Variants in LPP observed in about 807,000 individuals in gnomAD.
LPP encodes the protein LIM domain containing preferred translocation partner in lipoma, also known as lipoma-preferred partner.
In LPP, 38 loss-of-function variants were observed where a neutral mutation model predicts 60.4. The ratio of observed to expected loss-of-function variants is 0.63; its 90% CI spans 0.49 to 0.83. LPP has a LOEUF of 0.83. LPP is among the 40% of genes least tolerant of loss of function. LPP has a pLI of 0.00. For synonymous variants in LPP, 328 were observed against 290.8 expected (o/e 1.13, Z -1.30); for missense variants, 902 against 783.6 (o/e 1.15, Z -1.80).
intron 4 of LPP, among the ~76,000 whole-genome samples, chr3:188,476,816 C>A (rs957743223): frequency 6.6e-6 from 1 of 152,078 alleles, no homozygotes; most frequent in Non-Finnish European, 1.5e-5. Context: ...TAATGTTCCT[C>A]GGTCAAGGTC....
chr3:188,258,457 G>T (rs1249420337), intron 2 of LPP, among the ~76,000 whole-genome samples: 1 of 152,116 alleles, frequency 6.6e-6, no homozygotes, highest in East Asian at 1.9e-4. Context: ...TGAGTAGCTG[G>T]GAATACAGGG....
At chr3:188,827,865 C>T (rs796180482) in intron 9 of LPP, among the ~76,000 whole-genome samples, 10 of 152,232 alleles carry the variant, frequency 6.6e-5, no homozygotes, top group South Asian at 2.1e-4. Context: ...ATCTGCTTCC[C>T]GACCACCTGC....
chr3:188,636,080 G>C (rs547813619), intron 7 of LPP, among the ~76,000 whole-genome samples: 5 of 152,228 alleles, frequency 3.3e-5, no homozygotes, highest in African/African-American at 1.2e-4. Context: ...GAACAGCTCC[G>C]GTCTACAGCT....
chr3:188,669,152 A>G (rs1306344946), intron 7 of LPP, among the ~76,000 whole-genome samples: 2 of 152,156 alleles, frequency 1.3e-5, no homozygotes, highest in East Asian at 1.9e-4. Context: ...AAACAAGAGG[A>G]CCATGACACT....
At chr3:188,172,671 C>T (rs1721921796) in intron 1 of LPP, among the ~76,000 whole-genome samples, 1 of 152,014 alleles carries the variant, frequency 6.6e-6, no homozygotes, top group Admixed American at 6.6e-5. Flanking sequence ...CCCACTTGTC[C>T]TCATTTTTGA....
Position 188,880,877 on chromosome 3 carries a change from G to A in LPP, c.*6398G>A, listed in dbSNP as rs1225520944. 5.8e-6 allele frequency: 1 copy of A among 173,458 alleles called. No individual in the cohort carries two copies. Among genetic ancestry groups the A allele is most frequent in the Non-Finnish European group, 1.2e-5 (1 of 80,520 alleles). The allele number at this position is 173,458 out of a possible 1,614,324, so 10.7% of individuals were successfully genotyped here. On this transcript the variant is annotated 3_prime_UTR_variant, in exon 12 of 12. Transcript: ENST00000617246. Reference sequence around the variant, plus strand: ...ACGAATGCTATTCCCAAATAAAATAGAATCATGCTTTGGGAGGCCAAGGCG... The same window carrying A: ...ACGAATGCTATTCCCAAATAAAATAAAATCATGCTTTGGGAGGCCAAGGCG...
intron 9 of LPP, among the ~76,000 whole-genome samples, chr3:188,835,894 G>A (rs1278536637): frequency 1.3e-5 from 2 of 152,146 alleles, no homozygotes. Flanking sequence ...AGTTTCATTT[G>A]AAGGGAAACC....
chr3:188,687,435 C>T (rs1032872730), intron 7 of LPP, among the ~76,000 whole-genome samples: 1 of 152,120 alleles, frequency 6.6e-6, no homozygotes, highest in South Asian at 2.1e-4. Flanking sequence ...GGCCCTTCCC[C>T]CATGCTGTTC....
intron 7 of LPP, among the ~76,000 whole-genome samples, chr3:188,695,916 A>G (rs1863143094): frequency 6.6e-6 from 1 of 152,218 alleles, no homozygotes; most frequent in African/African-American, 2.4e-5. Context: ...GTGGAAAAAC[A>G]CTAAGCTGGA....
intron 7 of LPP, among the ~76,000 whole-genome samples, chr3:188,642,632 G>A (rs769058003): frequency 3.9e-5 from 6 of 152,146 alleles, no homozygotes; most frequent in Non-Finnish European, 8.8e-5. Flanking sequence ...GGTGATGGAC[G>A]CCATAAAAGT....
chr3:188,364,936 C>T (rs1293361273), intron 3 of LPP, among the ~76,000 whole-genome samples: 2 of 151,050 alleles, frequency 1.3e-5, no homozygotes, highest in Non-Finnish European at 3.0e-5. Flanking sequence ...TCAAAGGGGG[C>T]TTTCTTCTTT....
chr3:188,711,648 C>G (rs574784545), intron 8 of LPP: 1 of 152,038 alleles, frequency 6.6e-6, no homozygotes, highest in Non-Finnish European at 1.5e-5. Context: ...AAAAAAGTGC[C>G]TATGGTAATA....
At chr3:188,277,315 G>A (rs559788725) in intron 2 of LPP, among the ~76,000 whole-genome samples, 2 of 152,304 alleles carry the variant, frequency 1.3e-5, no homozygotes. Context: ...TTCTGCTGAA[G>A]AAATGGACGT....
At chr3:188,289,843 G>A (rs1745334594) in intron 2 of LPP, among the ~76,000 whole-genome samples, 2 of 152,130 alleles carry the variant, frequency 1.3e-5, no homozygotes, top group African/African-American at 4.8e-5. Flanking sequence ...GACCTCTTAG[G>A]ATTTCGGTGT....
intron 7 of LPP, among the ~76,000 whole-genome samples, chr3:188,691,165 C>T (rs1047038857): frequency 2.0e-5 from 3 of 152,158 alleles, no homozygotes; most frequent in Non-Finnish European, 4.4e-5. Context: ...TTGGGTTAAA[C>T]TTTATTCATT....
chr3:188,591,394 C>G (rs891066297), intron 6 of LPP, among the ~76,000 whole-genome samples: 1 of 152,192 alleles, frequency 6.6e-6, no homozygotes, highest in African/African-American at 2.4e-5. Context: ...TAATGCAGAT[C>G]TCTTTGAGCA....
In LPP at chr3:188,579,426, G is replaced by GT. The variant is rs1373481481; in HGVS notation, c.430-29734dup. On this transcript the variant is annotated intron_variant, in intron 6 of 11. Transcript: ENST00000617246. Reference sequence around the variant, plus strand: ...TTCAGGTATCATGTGAACAATAAGGGTGTCATATTAAGGTCTTAACATGTT... The same window carrying GT: ...TTCAGGTATCATGTGAACAATAAGGGTTGTCATATTAAGGTCTTAACATGTT... Among the ~76,000 whole-genome samples the GT allele has an allele frequency of 7.2e-5, 11 of 152,276 alleles. No individual in the cohort carries two copies. The East Asian group carries it at 2.1e-3, about 29-fold the overall frequency.
intron 6 of LPP, among the ~76,000 whole-genome samples, chr3:188,541,203 A>T (rs936303029): frequency 2.6e-5 from 4 of 152,180 alleles, no homozygotes; most frequent in Non-Finnish European, 4.4e-5. Flanking sequence ...AGTTAAGTTT[A>T]TTGTTCATCT....
chr3:188,258,051 T>C (rs982599953), intron 2 of LPP, among the ~76,000 whole-genome samples: 10 of 152,254 alleles, frequency 6.6e-5, no homozygotes, highest in Non-Finnish European at 1.2e-4. Context: ...TGTGTGCTGA[T>C]GCTCATGACA....
Sources: allele counts gnomAD v4.1 joint callset (sites outside exome capture counted in the v4.1 genomes callset), GRCh38; gene constraint gnomAD v4.1.1; transcripts MANE v1.5; gene names NCBI Gene and HGNC (gene_info 2026-07-23, HGNC 2026-07-21).